The following RASGEF1B variants were observed in gnomAD, a reference collection of about 807,000 sequenced individuals.
RASGEF1B encodes the protein ras-GEF domain-containing family member 1B.
RASGEF1B carries 30 observed loss-of-function variants against 65.7 expected under a neutral mutation model. The observed-to-expected ratio is 0.46, with a 90% confidence interval of 0.34 to 0.62. RASGEF1B has a LOEUF of 0.62. Ranked by LOEUF, RASGEF1B falls within the 20% of genes least tolerant of loss-of-function variation. The pLI is 0.01. For missense variants in RASGEF1B, 495 were observed against 580.1 expected, an observed-to-expected ratio of 0.85 and a Z score of 1.51; for synonymous variants, 175 against 194.8, an observed-to-expected ratio of 0.90 and a Z score of 0.85.
At chr4:81,433,169 C>T (rs1317709170) in intron 12 of RASGEF1B, among the ~76,000 whole-genome samples, 1 of 150,810 alleles carries the variant, frequency 6.6e-6, no homozygotes, top group African/African-American at 2.4e-5. Flanking sequence ...GTTGAGGCTG[C>T]AGTGAGCTGT....
chr4:81,461,773 C>CA (rs1387675981), intron 1 of RASGEF1B, among the ~76,000 whole-genome samples: 1 of 152,174 alleles, frequency 6.6e-6, no homozygotes, highest in African/African-American at 2.4e-5. Context: ...GAAGGAGCCA[C>CA]AGCCCATGTG....
chr4:81,434,108 G>C (rs1194383908), intron 11 of RASGEF1B, 145 bp from the exon 12 acceptor site: 2 of 696,750 alleles, frequency 2.9e-6, no homozygotes, highest in African/African-American at 3.6e-5. Context: ...AGAGTGCAGT[G>C]GTGCAATCAT....
intron 10 of RASGEF1B, among the ~76,000 whole-genome samples, chr4:81,435,569 T>C (rs376465902): frequency 1.9e-4 from 25 of 134,192 alleles, no homozygotes; most frequent in African/African-American, 5.4e-4. Flanking sequence ...CCCCAGTTCA[T>C]GCCATTCTCC....
intron 10 of RASGEF1B, among the ~76,000 whole-genome samples, chr4:81,439,631 C>G (rs575008188): frequency 8.5e-5 from 13 of 152,340 alleles, no homozygotes; most frequent in Admixed American, 2.0e-4. Flanking sequence ...CCACATACAG[C>G]CCCTTCAGTG....
chr4:81,450,294 G>C (rs1197654621), intron 4 of RASGEF1B, among the ~76,000 whole-genome samples: 1 of 152,090 alleles, frequency 6.6e-6, no homozygotes, highest in South Asian at 2.1e-4. Flanking sequence ...GAGGCAAGAG[G>C]ATCCCTTGAG....
intron 7 of RASGEF1B, 21 bp from the exon 8 acceptor site, chr4:81,445,649 G>C (rs781611317): frequency 1.3e-6 from 2 of 1,596,292 alleles, no homozygotes; most frequent in South Asian, 2.2e-5. Flanking sequence ...AAAGACAATA[G>C]AGGGCAGTTA....
chr4:81,460,576 G>C (rs904429493), intron 1 of RASGEF1B, among the ~76,000 whole-genome samples: 1 of 152,108 alleles, frequency 6.6e-6, no homozygotes, highest in Non-Finnish European at 1.5e-5. Context: ...ATGTGGGAGG[G>C]GTGTGGAGCC....
intron 8 of RASGEF1B, among the ~76,000 whole-genome samples, chr4:81,443,030 T>C (rs1721896999): frequency 6.6e-6 from 1 of 152,168 alleles, no homozygotes; most frequent in African/African-American, 2.4e-5. Flanking sequence ...GAGTAAGAAA[T>C]TTTCCCAAGG....
At chr4:81,457,356 T>G in intron 3 of RASGEF1B, 143 bp downstream of exon 3, 3 of 732,380 alleles carry the variant, frequency 4.1e-6, no homozygotes, top group Non-Finnish European at 6.7e-6. Context: ...CTTTATACCA[T>G]TCACAATTCC....
chr4:81,433,986 AT>A (rs1721523400), intron 11 of RASGEF1B, 23 bp from the exon 12 acceptor site: 24 of 1,596,846 alleles, frequency 1.5e-5, no homozygotes, highest in Non-Finnish European at 2.1e-5. Flanking sequence ...TAAAAAAAGA[AT>A]ATAAAGGTGA....
At chr4:81,449,961 CCTATTTTTCT>C (rs1420164746) in intron 4 of RASGEF1B, among the ~76,000 whole-genome samples, 1 of 151,998 alleles carries the variant, frequency 6.6e-6, no homozygotes, top group Non-Finnish European at 1.5e-5. Context: ...TTAGATGACC[CCTATTTTTCT>C]CTATAGTCAT....
At chr4:81,470,116 A>G (rs1183216588) in intron 1 of RASGEF1B, among the ~76,000 whole-genome samples, 1 of 152,138 alleles carries the variant, frequency 6.6e-6, no homozygotes, top group Non-Finnish European at 1.5e-5. Context: ...CTCTAGCTCC[A>G]CCACTGCCCC....
rs760695573 is a variant in RASGEF1B, at chr4:81,427,724, T to A, written c.*44A>T. 1 of 1,612,512 alleles carries A rather than the reference T, an allele frequency of 6.2e-7. No individual in the cohort carries two copies. Among genetic ancestry groups the A allele is most frequent in the Non-Finnish European group, 8.5e-7 (1 of 1,179,538 alleles). On this transcript the variant is annotated 3_prime_UTR_variant, in exon 14 of 14. Coordinates refer to ENST00000264400, the MANE Select transcript of RASGEF1B (RefSeq NM_152545.3). The stretch of plus-strand genomic sequence containing the variant: ...AAAACAAAGGCCAGCCCCTCCATGA[T>A]CTGCAGGAAGCAGCAGCAGCAGCAG...
chr4:81,458,196 A>AG (rs1322802183), intron 2 of RASGEF1B, among the ~76,000 whole-genome samples: 1 of 152,280 alleles, frequency 6.6e-6, no homozygotes, highest in Admixed American at 6.5e-5. Flanking sequence ...AATTTAATAA[A>AG]GCACAATATA....
chr4:81,447,991 C>T (rs190533814), intron 5 of RASGEF1B, 78 bp downstream of exon 5: 143 of 1,200,312 alleles, frequency 1.2e-4, no homozygotes, highest in Admixed American at 4.6e-4. Context: ...GTGACATTAC[C>T]GCTGACAAAT....
At chr4:81,464,798 T>C (rs1023878115) in intron 1 of RASGEF1B, among the ~76,000 whole-genome samples, 1 of 152,060 alleles carries the variant, frequency 6.6e-6, no homozygotes, top group Non-Finnish European at 1.5e-5. Context: ...ATCAAGAAAC[T>C]CTTAGGCCAG....
chr4:81,440,306 G>A (rs1337918340), intron 10 of RASGEF1B, among the ~76,000 whole-genome samples: 1 of 152,158 alleles, frequency 6.6e-6, no homozygotes. Flanking sequence ...AGGGTAGAGT[G>A]AGAAAGGACC....
chr4:81,434,742 A>T lies in RASGEF1B; in HGVS notation c.1105-8T>A. The T allele has an allele frequency of 1.4e-6, 2 of 1,446,282 alleles. No homozygotes were observed. Among genetic ancestry groups the T allele is most frequent in the Non-Finnish European group, 1.9e-6 (2 of 1,028,198 alleles). The allele number at this position is 1,446,282 out of a possible 1,614,324, so 89.6% of individuals were successfully genotyped here. On this transcript the variant is annotated splice_polypyrimidine_tract_variant and splice_region_variant and intron_variant, in intron 10 of 13. Coordinates refer to ENST00000264400, the MANE Select transcript of RASGEF1B (RefSeq NM_152545.3). Reference sequence around the variant, plus strand: ...GAAGAATGGTATCACAATCTAGAGGAAACAAAAGATTCTGGTTGGTCTGGG... The same window carrying T: ...GAAGAATGGTATCACAATCTAGAGGTAACAAAAGATTCTGGTTGGTCTGGG...
chr4:81,427,901 G>C (rs1721283331), intron 13 of RASGEF1B, 109 bp from the exon 14 acceptor site: 20 of 1,154,838 alleles, frequency 1.7e-5, no homozygotes, highest in Non-Finnish European at 2.4e-5. Context: ...TTTTAAGTTT[G>C]ATTTTACAAA....
Sources: allele counts gnomAD v4.1 joint callset (sites outside exome capture counted in the v4.1 genomes callset), GRCh38; gene constraint gnomAD v4.1.1; transcripts MANE v1.5; gene names NCBI Gene and HGNC (gene_info 2026-07-23, HGNC 2026-07-21).